Variants in NR3C2 observed in about 807,000 individuals in gnomAD.
NR3C2 encodes the protein mineralocorticoid receptor.
A neutral mutation model predicts 86.4 loss-of-function variants in NR3C2; 15 were observed. The observed-to-expected ratio is 0.17, with a 90% CI of 0.12 to 0.27. The LOEUF (loss-of-function observed/expected upper bound fraction) is 0.27, where lower values mean the gene tolerates loss of function less well. Among genes scored for constraint, NR3C2 ranks in the 10% least tolerant of loss-of-function variants. The probability of loss-of-function intolerance (pLI) is 1.00; values close to 1 mark genes in which losing one functional copy is unlikely to be tolerated. For missense variants in NR3C2, 960 were observed against 1,195.6 expected, an observed-to-expected ratio of 0.80 and a Z score of 2.91; for synonymous variants, 458 against 450.5, an observed-to-expected ratio of 1.02 and a Z score of -0.21.
intron 2 of NR3C2, among the ~76,000 whole-genome samples, chr4:148,277,323 T>C (rs1015820979): frequency 6.6e-6 from 1 of 152,196 alleles, no homozygotes; most frequent in Non-Finnish European, 1.5e-5. Flanking sequence ...CATTGCTGTA[T>C]AGAAAATAAT....
At chr4:148,169,953 G>C (rs570183013) in intron 4 of NR3C2, among the ~76,000 whole-genome samples, 27 of 152,340 alleles carry the variant, frequency 1.8e-4, no homozygotes, top group African/African-American at 5.8e-4. Context: ...CAGAAAGCAG[G>C]AGAAAGAGAG....
intron 2 of NR3C2, among the ~76,000 whole-genome samples, chr4:148,347,026 C>A (rs1336941291): frequency 6.6e-6 from 1 of 152,034 alleles, no homozygotes; most frequent in Non-Finnish European, 1.5e-5. Context: ...CAGTGGAAGG[C>A]AAGAAGGCTC....
At chr4:148,188,434 G>A (rs1003174338) in intron 4 of NR3C2, among the ~76,000 whole-genome samples, 1 of 152,044 alleles carries the variant, frequency 6.6e-6, no homozygotes, top group Non-Finnish European at 1.5e-5. Context: ...CCTTGTAGAG[G>A]TCTTTAGACT....
intron 4 of NR3C2, among the ~76,000 whole-genome samples, chr4:148,179,366 A>G (rs1735544057): frequency 6.6e-6 from 1 of 151,756 alleles, no homozygotes; most frequent in African/African-American, 2.4e-5. Flanking sequence ...GGAAGGCTAG[A>G]ATGACAATCT....
chr4:148,431,664 T>A (rs1749807117), intron 2 of NR3C2, among the ~76,000 whole-genome samples: 1 of 152,218 alleles, frequency 6.6e-6, no homozygotes, highest in Admixed American at 6.5e-5. Flanking sequence ...GCCCACAGAC[T>A]GAAATAAAGA....
rs576045185 is a variant in NR3C2, at chr4:148,247,906, G to A, written c.1897+12072C>T. 1.4e-4 allele frequency among the ~76,000 whole-genome samples: 22 copies of A among 152,114 alleles called. No individual in the cohort carries two copies. In the South Asian group the frequency reaches 3.5e-3, roughly 24 times the overall value. On this transcript the variant is annotated intron_variant, in intron 3 of 8. Transcript: ENST00000358102. Reference sequence around the variant, plus strand: ...GGTTTTTCATGATTCAGTGTGATCTGACCTCAGTCACTGCTATAGCTCTGG... The same window carrying A: ...GGTTTTTCATGATTCAGTGTGATCTAACCTCAGTCACTGCTATAGCTCTGG...
chr4:148,117,950 T>C (rs1298950585), intron 7 of NR3C2, among the ~76,000 whole-genome samples: 2 of 152,252 alleles, frequency 1.3e-5, no homozygotes, highest in African/African-American at 4.8e-5. Context: ...CCACCTGCCA[T>C]GGCATCCTTG....
intron 6 of NR3C2, among the ~76,000 whole-genome samples, chr4:148,121,792 A>T (rs1732513999): frequency 6.6e-6 from 1 of 152,240 alleles, no homozygotes; most frequent in African/African-American, 2.4e-5. Context: ...ATCTATTTTG[A>T]TACAGGTAAC....
chr4:148,320,928 T>C (rs982584912), intron 2 of NR3C2, among the ~76,000 whole-genome samples: 2 of 149,198 alleles, frequency 1.3e-5, no homozygotes, highest in Non-Finnish European at 3.0e-5. Flanking sequence ...AGCTTTTGAA[T>C]GTGTTTGCTC....
At position 148,081,421 on chromosome 4, in the gene NR3C2, G is replaced by T. The variant is rs746185977; in HGVS notation, c.2878C>A (p.Leu960Met). The change falls in exon 9 of 9, where the codon CTG (leucine) becomes ATG (methionine). Residue 960 changes from leucine to methionine, a missense_variant. Leu to Met is a conservative substitution (Grantham distance 15). This residue lies in a region of NR3C2 where 151 missense variants were observed against 296.3 expected (regional missense o/e 0.51). Transcript: ENST00000358102. ...AGCTGGTCGCTGATGATCTCCACCA[G>T]CATTGCGGGGAACTCTACCTTCAGC... The part of the protein sequence containing the change: ...HALKVEFPAM[L>M]VEIISDQLPK... The T allele has an allele frequency of 2.5e-6, 4 of 1,614,010 alleles. No individual in the cohort carries two copies. The African/African-American group carries it at 5.3e-5, about 22-fold the overall frequency.
At chr4:148,444,718 A>C (rs1259042675), upstream of NR3C2, 1 of 984,918 alleles carries the variant, frequency 1.0e-6, no homozygotes, top group East Asian at 1.1e-4. Context: ...ACCCTACAAG[A>C]GGCGGCGAGG....
At chr4:148,297,749 C>G (rs1382869019) in intron 2 of NR3C2, among the ~76,000 whole-genome samples, 2 of 151,966 alleles carry the variant, frequency 1.3e-5, no homozygotes, top group Non-Finnish European at 2.9e-5. Flanking sequence ...GAAGAAAAAC[C>G]TTCATTTTGC....
chr4:148,314,800 T>A (rs193061843), intron 2 of NR3C2, among the ~76,000 whole-genome samples: 3 of 152,154 alleles, frequency 2.0e-5, no homozygotes, highest in Non-Finnish European at 2.9e-5. Context: ...AAATTCTACA[T>A]CTATTTCTGA....
chr4:148,141,244 C>A (rs935932328), intron 6 of NR3C2, among the ~76,000 whole-genome samples: 2 of 151,610 alleles, frequency 1.3e-5, no homozygotes, highest in African/African-American at 4.9e-5. Flanking sequence ...ACCAGCCTGG[C>A]CAACATGGTG....
chr4:148,304,352 T>TTA (rs141707087), intron 2 of NR3C2, among the ~76,000 whole-genome samples: 83 of 130,080 alleles, frequency 6.4e-4, no homozygotes, highest in South Asian at 1.5e-3. Context: ...TTTTTTTTTT[T>TTA]AACCAGTTGG....
At chr4:148,274,145 G>A (rs188778201) in intron 2 of NR3C2, among the ~76,000 whole-genome samples, 7 of 151,764 alleles carry the variant, frequency 4.6e-5, no homozygotes, top group Non-Finnish European at 1.0e-4. Flanking sequence ...TAATATCTTT[G>A]TAAAAATAAC....
chr4:148,411,664 C>G (rs1748710735), intron 2 of NR3C2, among the ~76,000 whole-genome samples: 1 of 152,206 alleles, frequency 6.6e-6, no homozygotes, highest in South Asian at 2.1e-4. Flanking sequence ...CTTAAACCTT[C>G]TGGACAGTGT....
At chr4:148,417,991 T>C (rs775518342) in intron 2 of NR3C2, among the ~76,000 whole-genome samples, 1 of 152,168 alleles carries the variant, frequency 6.6e-6, no homozygotes, top group Admixed American at 6.5e-5. Flanking sequence ...ATCAGAACAC[T>C]AGACAACAGG....
chr4:148,376,413 T>G (rs1746683352), intron 2 of NR3C2, among the ~76,000 whole-genome samples: 3 of 152,282 alleles, frequency 2.0e-5, no homozygotes, highest in East Asian at 3.9e-4. Context: ...GCTGGTTTTG[T>G]GTGTTTCAAA....
Sources: allele counts gnomAD v4.1 joint callset (sites outside exome capture counted in the v4.1 genomes callset), GRCh38; gene constraint gnomAD v4.1.1; regional missense constraint gnomAD v4.1.1; transcripts MANE v1.5; gene names NCBI Gene and HGNC (gene_info 2026-07-23, HGNC 2026-07-21).